Variants in NCAM2 observed in about 807,000 individuals in gnomAD.
The protein encoded by NCAM2 is neural cell adhesion molecule 2.
In NCAM2, 30 loss-of-function variants were observed where a neutral mutation model predicts 98.1. That is an observed-to-expected ratio of 0.31 (90% CI 0.23 to 0.41). NCAM2 has a LOEUF of 0.41. NCAM2 is among the 10% of genes least tolerant of loss of function. The pLI is 1.00. For missense variants in NCAM2, 867 were observed against 1,005.8 expected (o/e 0.86, Z 1.87); for synonymous variants, 368 against 342.4 (o/e 1.07, Z -0.83).
intron 1 of NCAM2, among the ~76,000 whole-genome samples, chr21:21,090,910 C>T (rs1230234438): frequency 2.0e-5 from 3 of 152,156 alleles, no homozygotes; most frequent in Non-Finnish European, 4.4e-5. Context: ...AACCATAAAT[C>T]AATAGACCAC....
intron 1 of NCAM2, among the ~76,000 whole-genome samples, chr21:21,142,135 G>A (rs1272254550): frequency 6.6e-6 from 1 of 152,040 alleles, no homozygotes; most frequent in African/African-American, 2.4e-5. Context: ...TTTATTCCAT[G>A]ATGCACATAA....
intron 12 of NCAM2, among the ~76,000 whole-genome samples, chr21:21,443,797 T>G (rs543967474): frequency 6.6e-6 from 1 of 152,296 alleles, no homozygotes; most frequent in Non-Finnish European, 1.5e-5. Flanking sequence ...AAGGTGTTTA[T>G]CCTGCAGCAT....
At position 21,292,216 on chromosome 21, in the gene NCAM2, C is replaced by T. The variant is rs1162665969; in HGVS notation, c.594C>T (p.Phe198=). 1 of 1,609,294 alleles carries T rather than the reference C, an allele frequency of 6.2e-7. No homozygotes were observed. The highest frequency in any genetic ancestry group is 8.5e-7 in the Non-Finnish European group (1 of 1,177,354). ...TGGAGGCCAGGGGAGAAATTGACTT[C>T]CGTGATATCATTGTTATTGTTAATG... The part of the protein sequence containing the change: ...GRVEARGEID[F]RDIIVIVNVP... Residue 198 remains phenylalanine, a synonymous_variant, in exon 5 of 18, where the codon TTC becomes TTT. Transcript: ENST00000400546.
intron 6 of NCAM2, among the ~76,000 whole-genome samples, chr21:21,333,618 A>G (rs1364853548): frequency 6.6e-6 from 1 of 152,162 alleles, no homozygotes; most frequent in African/African-American, 2.4e-5. Flanking sequence ...GCTTTTATTA[A>G]TGGGTGAGCC....
chr21:21,524,424 A>G (rs895314031), intron 16 of NCAM2, among the ~76,000 whole-genome samples: 8 of 53,562 alleles, frequency 1.5e-4, no homozygotes, highest in South Asian at 5.8e-4. Context: ...CAGCAAGCAG[A>G]AAAAAAAAAA....
intron 11 of NCAM2, among the ~76,000 whole-genome samples, chr21:21,431,608 A>AT (rs912563159): frequency 1.1e-4 from 16 of 152,114 alleles, no homozygotes; most frequent in African/African-American, 3.9e-4. Context: ...TAATACTGAC[A>AT]TTTTTCTCAA....
intron 12 of NCAM2, among the ~76,000 whole-genome samples, chr21:21,447,752 C>T (rs1001113675): frequency 3.9e-5 from 6 of 152,030 alleles, no homozygotes; most frequent in Non-Finnish European, 7.4e-5. Flanking sequence ...ACAGACACTT[C>T]CCAAAGAAGA....
chr21:21,265,710 G>A (rs939662340), intron 1 of NCAM2, among the ~76,000 whole-genome samples: 8 of 151,524 alleles, frequency 5.3e-5, no homozygotes, highest in East Asian at 1.9e-4. Flanking sequence ...GCTAAGCAAC[G>A]GATACACATG....
At chr21:21,239,184 G>A (rs2070965041) in intron 1 of NCAM2, among the ~76,000 whole-genome samples, 1 of 152,158 alleles carries the variant, frequency 6.6e-6, no homozygotes, top group Non-Finnish European at 1.5e-5. Context: ...CAAGCCCAAT[G>A]CTAAAAGGGT....
chr21:21,292,091 G>C lies in NCAM2; in HGVS notation c.482-13G>C. 1 of 1,601,028 alleles carries C rather than the reference G, an allele frequency of 6.2e-7. No individual in the cohort carries two copies. The highest frequency in any genetic ancestry group is 1.1e-5 in the South Asian group (1 of 88,726). On this transcript the variant is annotated splice_polypyrimidine_tract_variant and intron_variant, in intron 4 of 17. Transcript: ENST00000400546. ...TTACTGATACCATTTTCTCCCCTTTGCTTTCTTTCCAGATCGGTTCGCTAT... is the reference window on the plus strand; with the variant it reads ...TTACTGATACCATTTTCTCCCCTTTCCTTTCTTTCCAGATCGGTTCGCTAT...
chr21:21,439,152 C>G (rs1978859931), intron 12 of NCAM2, among the ~76,000 whole-genome samples: 1 of 150,210 alleles, frequency 6.7e-6, no homozygotes, highest in Non-Finnish European at 1.5e-5. Context: ...GAGTCTTGCT[C>G]TGTCCCCCAA....
intron 6 of NCAM2, among the ~76,000 whole-genome samples, chr21:21,334,419 CT>C (rs2074800120): frequency 1.3e-5 from 2 of 152,096 alleles, no homozygotes; most frequent in South Asian, 4.2e-4. Context: ...CCAGAATTCA[CT>C]GGAAGGAACT....
chr21:21,152,397 CTTGT>C (rs142355185), intron 1 of NCAM2, among the ~76,000 whole-genome samples: 7,943 of 151,632 alleles, frequency 0.052, 662 homozygotes, highest in African/African-American at 0.18. Flanking sequence ...TTTTCTCCTG[CTTGT>C]GGGTCACATT....
chr21:21,332,926 A>T (rs893169164), intron 6 of NCAM2, among the ~76,000 whole-genome samples: 4 of 152,214 alleles, frequency 2.6e-5, no homozygotes, highest in African/African-American at 2.4e-5. Context: ...TTATGTTAAT[A>T]CAATATTGTT....
intron 9 of NCAM2, among the ~76,000 whole-genome samples, chr21:21,406,439 T>C (rs555948877): frequency 6.6e-6 from 1 of 152,272 alleles, no homozygotes; most frequent in East Asian, 1.9e-4. Flanking sequence ...CTCTTATAAA[T>C]GGATTTGGCA....
intron 5 of NCAM2, among the ~76,000 whole-genome samples, chr21:21,317,771 G>T (rs2074262258): frequency 6.6e-6 from 1 of 152,044 alleles, no homozygotes. Context: ...CTGGGCTCAG[G>T]TGATTCTCCT....
intron 1 of NCAM2, among the ~76,000 whole-genome samples, chr21:21,174,068 C>T (rs1317066949): frequency 6.6e-6 from 1 of 152,094 alleles, no homozygotes; most frequent in Non-Finnish European, 1.5e-5. Flanking sequence ...TGATTACGAG[C>T]GTGCGCCACT....
At chr21:21,001,586 G>A (rs1356799236) in intron 1 of NCAM2, among the ~76,000 whole-genome samples, 4 of 152,088 alleles carry the variant, frequency 2.6e-5, no homozygotes, top group Admixed American at 6.5e-5. Flanking sequence ...TGTATGGATT[G>A]CTTTCGTGAG....
chr21:21,142,377 G>GTTTT lies in NCAM2; in HGVS notation c.56-138185_56-138182dup, dbSNP rs10686568. Among the ~76,000 whole-genome samples the GTTTT allele has an allele frequency of 9.6e-3, 1,031 of 107,084 alleles. 62 individuals are homozygous for GTTTT. The highest frequency in any genetic ancestry group is 0.012 in the African/African-American group (321 of 26,706). The allele number at this position is 107,084 out of a possible 152,430, so 70.3% of individuals were successfully genotyped here. Reference sequence around the variant, plus strand: ...AAATTATTTGACCGTTTTTTTTTATGTTTTTTTTTTTTTTTTTTTGAGATA... The same window carrying GTTTT: ...AAATTATTTGACCGTTTTTTTTTATGTTTTTTTTTTTTTTTTTTTTTTTGAGATA... On this transcript the variant is annotated intron_variant, in intron 1 of 17. Coordinates refer to ENST00000400546, the MANE Select transcript of NCAM2 (RefSeq NM_004540.5).
Sources: gnomAD v4.1 joint callset for allele counts (sites outside exome capture counted in the v4.1 genomes callset) on GRCh38, gnomAD v4.1.1 for gene constraint, MANE v1.5 for transcripts, NCBI Gene and HGNC (gene_info 2026-07-23, HGNC 2026-07-21) for gene names.